The following KIAA1217 variants were observed in gnomAD, a reference collection of about 807,000 sequenced individuals.
The protein encoded by KIAA1217 is KIAA1217.
A neutral mutation model predicts 163.9 loss-of-function variants in KIAA1217; 88 were observed. The ratio of observed to expected loss-of-function variants is 0.54; its 90% confidence interval spans 0.45 to 0.64. The LOEUF (loss-of-function observed/expected upper bound fraction) is 0.64, where lower values mean the gene tolerates loss of function less well. Ranked by LOEUF, KIAA1217 falls within the 30% of genes least tolerant of loss-of-function variation. The pLI is 0.00. For synonymous variants in KIAA1217, 903 were observed against 923.1 expected, an observed-to-expected ratio of 0.98 and a Z score of 0.39; for missense variants, 2,372 against 2,475.0, an observed-to-expected ratio of 0.96 and a Z score of 0.88.
chr10:23,865,227 C>T (rs1296356803), intron 1 of KIAA1217, among the ~76,000 whole-genome samples: 4 of 152,082 alleles, frequency 2.6e-5, no homozygotes, highest in Non-Finnish European at 5.9e-5. Context: ...TTTCCTTTGT[C>T]CTGGTCAGCA....
intron 2 of KIAA1217, among the ~76,000 whole-genome samples, chr10:24,156,026 C>G (rs1453601908): frequency 1.3e-5 from 2 of 152,130 alleles, no homozygotes; most frequent in Non-Finnish European, 2.9e-5. Flanking sequence ...AGTAACTGCA[C>G]ACATTTAAAT....
intron 1 of KIAA1217, among the ~76,000 whole-genome samples, chr10:23,992,429 T>C (rs2131441505): frequency 6.6e-6 from 1 of 152,158 alleles, no homozygotes; most frequent in Non-Finnish European, 1.5e-5. Flanking sequence ...AAGTCAAGAA[T>C]GAGACCCAAG....
At chr10:24,280,399 G>T (rs2077770293) in intron 2 of KIAA1217, among the ~76,000 whole-genome samples, 1 of 152,196 alleles carries the variant, frequency 6.6e-6, no homozygotes, top group African/African-American at 2.4e-5. Context: ...GTGAAGGAAA[G>T]TGAAAGGGTG....
intron 2 of KIAA1217, among the ~76,000 whole-genome samples, chr10:24,020,076 C>G (rs1847668569): frequency 6.6e-6 from 1 of 152,012 alleles, no homozygotes; most frequent in Non-Finnish European, 1.5e-5. Flanking sequence ...ATGTAGACAC[C>G]AGACAAAATT....
chr10:24,071,160 A>G (rs898711718), intron 2 of KIAA1217, among the ~76,000 whole-genome samples: 5 of 152,202 alleles, frequency 3.3e-5, no homozygotes, highest in Non-Finnish European at 5.9e-5. Context: ...CTTCTTTTTG[A>G]ATTATCCAGC....
At chr10:24,444,026 T>C (rs190081957) in intron 5 of KIAA1217, among the ~76,000 whole-genome samples, 2 of 152,082 alleles carry the variant, frequency 1.3e-5, no homozygotes, top group East Asian at 3.9e-4. Flanking sequence ...CTTTTCTTTT[T>C]TCTGAGACAG....
intron 2 of KIAA1217, among the ~76,000 whole-genome samples, chr10:24,161,820 C>A (rs1164857303): frequency 6.6e-6 from 1 of 152,176 alleles, no homozygotes; most frequent in African/African-American, 2.4e-5. Context: ...AGGAAGGACA[C>A]CCATAGAGAC....
rs190995819 is a variant in KIAA1217 at position 24,385,637 on chromosome 10, G to A, written c.553+4570G>A. 1.1e-3 allele frequency among the ~76,000 whole-genome samples: 168 copies of A among 152,280 alleles called. No individual in the cohort carries two copies. The Middle Eastern group carries it at 0.02, about 18-fold the overall frequency. On this transcript the variant is annotated intron_variant, in intron 3 of 20. Coordinates refer to ENST00000376454, the MANE Select transcript of KIAA1217 (RefSeq NM_019590.5). Reference sequence around the variant, plus strand: ...CAACGCCAGGTTCCAACAACCTATCGTGTCTAAATCTGTACTTCCACAGAG... The same window carrying A: ...CAACGCCAGGTTCCAACAACCTATCATGTCTAAATCTGTACTTCCACAGAG...
At chr10:24,017,296 G>A (rs1847527448) in intron 2 of KIAA1217, among the ~76,000 whole-genome samples, 2 of 152,076 alleles carry the variant, frequency 1.3e-5, no homozygotes, top group African/African-American at 4.8e-5. Flanking sequence ...CTGACCTCTA[G>A]GACTTCTCCT....
chr10:24,535,657 A>G (rs1054866426), intron 16 of KIAA1217, among the ~76,000 whole-genome samples: 1 of 152,136 alleles, frequency 6.6e-6, no homozygotes, highest in African/African-American at 2.4e-5. Context: ...GGTGCCTGTC[A>G]TCCCAGCTAC....
intron 4 of KIAA1217, among the ~76,000 whole-genome samples, chr10:24,436,194 T>C (rs1234695214): frequency 1.3e-5 from 2 of 152,102 alleles, no homozygotes; most frequent in African/African-American, 4.8e-5. Context: ...AAAACTCTCA[T>C]TTAAAATATT....
At chr10:23,704,168 GTGTGTATATA>G (rs1328556798) in intron 1 of KIAA1217, among the ~76,000 whole-genome samples, 31 of 63,296 alleles carry the variant, frequency 4.9e-4, no homozygotes, top group East Asian at 3.8e-3. Flanking sequence ...GTGTGTGTGT[GTGTGTATATA>G]TATATATATA....
intron 1 of KIAA1217, among the ~76,000 whole-genome samples, chr10:23,857,912 T>A (rs893068322): frequency 1.3e-5 from 2 of 151,960 alleles, no homozygotes; most frequent in Non-Finnish European, 2.9e-5. Flanking sequence ...AAATGCCATT[T>A]TATTAAGTTA....
intron 1 of KIAA1217, among the ~76,000 whole-genome samples, chr10:23,899,664 C>T (rs1841871826): frequency 6.6e-6 from 1 of 152,038 alleles, no homozygotes; most frequent in Non-Finnish European, 1.5e-5. Flanking sequence ...CCTGATGCTG[C>T]ACAGAATCTT....
chr10:24,528,221 C>G, intron 14 of KIAA1217, 102 bp downstream of exon 14: 1 of 877,764 alleles, frequency 1.1e-6, no homozygotes, highest in Non-Finnish European at 1.7e-6. Flanking sequence ...ACCAATGTCT[C>G]AGTTCTTACA....
In KIAA1217 at chr10:24,419,673, G is replaced by A. The variant is rs1368414478; in HGVS notation, c.554-13322G>A. 3.9e-5 allele frequency among the ~76,000 whole-genome samples: 6 copies of A among 152,250 alleles called. No individual in the cohort carries two copies. In the East Asian group the frequency reaches 9.7e-4, roughly 25 times the overall value. ...GAAAAACATGTTTCCATAATTGCTT[G>A]AGCCCTCTTACACTTTTAAAGTAAA... On this transcript the variant is annotated intron_variant, in intron 3 of 20. Coordinates refer to ENST00000376454, the MANE Select transcript of KIAA1217 (RefSeq NM_019590.5).
rs149431868 is a variant in KIAA1217 at position 24,222,848 on chromosome 10, G to A, written c.354+2939G>A. Among the ~76,000 whole-genome samples, 429 of 152,298 alleles carry A rather than the reference G, an allele frequency of 2.8e-3. 8 individuals carry two copies. Among genetic ancestry groups the A allele is most frequent in the Admixed American group, 0.018 (268 of 15,304 alleles). On this transcript the variant is annotated intron_variant, in intron 2 of 20. Transcript: ENST00000376454. ...AGCAAAGTAAAGAAATAAAAGAATG[G>A]CTACTCCATAGAGCAGCCCTGAGGG...
At chr10:24,311,735 T>C (rs557842993) in intron 2 of KIAA1217, among the ~76,000 whole-genome samples, 1 of 152,136 alleles carries the variant, frequency 6.6e-6, no homozygotes, top group African/African-American at 2.4e-5. Flanking sequence ...GTGGGAACTT[T>C]TTGTCATCTG....
intron 6 of KIAA1217, among the ~76,000 whole-genome samples, chr10:24,487,141 G>A (rs1467877399): frequency 2.0e-5 from 3 of 152,124 alleles, no homozygotes; most frequent in African/African-American, 7.2e-5. Context: ...TCTCCCTCCG[G>A]ATAAATTCTG....
Sources: gnomAD v4.1 joint callset for allele counts (sites outside exome capture counted in the v4.1 genomes callset) on GRCh38, gnomAD v4.1.1 for gene constraint, MANE v1.5 for transcripts, NCBI Gene and HGNC (gene_info 2026-07-23, HGNC 2026-07-21) for gene names.